CTNNA2: variants seen among roughly 807,000 people sequenced by gnomAD.
CTNNA2 encodes the protein catenin alpha-2.
CTNNA2 carries 42 observed loss-of-function variants against 101.0 expected under a neutral mutation model. The observed-to-expected ratio is 0.42, with a 90% CI of 0.32 to 0.54. The LOEUF is 0.54. Among genes scored for constraint, CTNNA2 ranks in the 20% least tolerant of loss-of-function variants. CTNNA2 has a pLI of 0.14. For missense variants in CTNNA2, 871 were observed against 1,223.1 expected (o/e 0.71, Z 4.29); for synonymous variants, 450 against 456.4 (o/e 0.99, Z 0.18).
rs1430960614 is a variant in CTNNA2 at position 79,982,231 on chromosome 2, TA to T, written c.1056+72435del. On this transcript the variant is annotated intron_variant, in intron 7 of 18. Coordinates refer to ENST00000402739, the MANE Select transcript of CTNNA2 (RefSeq NM_001282597.3). Reference sequence around the variant, plus strand: ...ATATATATATATATATATATATATATATATATATATGTATGTATATGTACAC... The same window carrying T: ...ATATATATATATATATATATATATATTATATATATGTATGTATATGTACAC... Among the ~76,000 whole-genome samples the T allele has an allele frequency of 1.2e-3, 78 of 63,450 alleles. 3 individuals carry two copies. The highest frequency in any genetic ancestry group is 4.2e-3 in the African/African-American group (74 of 17,488). 41.6% of individuals were successfully genotyped at this position (63,450 alleles called of 152,430 possible).
At chr2:80,016,690 T>C (rs1481788135) in intron 7 of CTNNA2, among the ~76,000 whole-genome samples, 1 of 152,218 alleles carries the variant, frequency 6.6e-6, no homozygotes, top group Non-Finnish European at 1.5e-5. Context: ...ACTCCTTTTA[T>C]GTATTTACCA....
intron 2 of CTNNA2, among the ~76,000 whole-genome samples, chr2:79,302,869 C>T (rs947669546): frequency 2.6e-5 from 4 of 152,162 alleles, no homozygotes; most frequent in African/African-American, 4.8e-5. Context: ...ATTTACTTGA[C>T]CAATTTAATT....
At chr2:79,835,684 T>TTTGTTTGTTTGTTTG (rs1679298843) in intron 3 of CTNNA2, among the ~76,000 whole-genome samples, 6 of 132,870 alleles carry the variant, frequency 4.5e-5, no homozygotes, top group African/African-American at 1.4e-4. Context: ...TTTTTTTTTT[T>TTTGTTTGTTTGTTTG]TTTTTTTTTT....
intron 1 of CTNNA2, among the ~76,000 whole-genome samples, chr2:79,518,246 G>A (rs772841515): frequency 8.5e-5 from 13 of 152,200 alleles, no homozygotes; most frequent in Admixed American, 2.0e-4. Context: ...CAGTTTTGGG[G>A]GAAGCCAGGT....
intron 4 of CTNNA2, among the ~76,000 whole-genome samples, chr2:79,448,267 C>A (rs571197184): frequency 2.0e-5 from 3 of 152,058 alleles, no homozygotes; most frequent in African/African-American, 7.2e-5. Context: ...ATCTTGATTT[C>A]TTTTAAAGAC....
At chr2:79,939,662 G>C (rs1181788938) in intron 7 of CTNNA2, among the ~76,000 whole-genome samples, 2 of 151,958 alleles carry the variant, frequency 1.3e-5, no homozygotes, top group Non-Finnish European at 2.9e-5. Flanking sequence ...AAAACTCTTA[G>C]AACTAAAAGT....
chr2:80,401,835 G>C (rs1282201209), intron 8 of CTNNA2, among the ~76,000 whole-genome samples: 2 of 151,228 alleles, frequency 1.3e-5, no homozygotes, highest in Non-Finnish European at 2.9e-5. Context: ...ACTCTCCATA[G>C]CACACATTAC....
chr2:80,271,949 T>G (rs1471652163), intron 7 of CTNNA2, among the ~76,000 whole-genome samples: 1 of 152,184 alleles, frequency 6.6e-6, no homozygotes, highest in East Asian at 1.9e-4. Flanking sequence ...TTTTAGTGAG[T>G]GCTTTCTGCC....
At chr2:79,951,676 AATAAG>A (rs1033529578) in intron 7 of CTNNA2, among the ~76,000 whole-genome samples, 32 of 123,224 alleles carry the variant, frequency 2.6e-4, no homozygotes, top group African/African-American at 8.2e-4. Flanking sequence ...AAAATTAAAA[AATAAG>A]ATAAGTTAAA....
chr2:80,340,892 A>C (rs192488535), intron 7 of CTNNA2, among the ~76,000 whole-genome samples: 37 of 152,254 alleles, frequency 2.4e-4, no homozygotes, highest in Middle Eastern at 3.4e-3. Context: ...GACTGTCTAT[A>C]AATTGGGGGT....
intron 7 of CTNNA2, among the ~76,000 whole-genome samples, chr2:80,130,676 A>G (rs1702363684): frequency 6.6e-6 from 1 of 152,130 alleles, no homozygotes; most frequent in Non-Finnish European, 1.5e-5. Context: ...GAGAATAGAG[A>G]ATACTTTAAC....
intron 7 of CTNNA2, among the ~76,000 whole-genome samples, chr2:80,154,328 G>C (rs1703879665): frequency 6.6e-6 from 1 of 152,120 alleles, no homozygotes; most frequent in Non-Finnish European, 1.5e-5. Flanking sequence ...GGTTTAATTA[G>C]AAGAGATATT....
At chr2:79,518,881 T>C (rs933876969) in intron 1 of CTNNA2, among the ~76,000 whole-genome samples, 1 of 95,712 alleles carries the variant, frequency 1.0e-5, no homozygotes, top group African/African-American at 4.3e-5. Flanking sequence ...ACAAAATATG[T>C]TTTTTTTTTC....
chr2:79,615,624 C>G (rs906270632), intron 1 of CTNNA2, among the ~76,000 whole-genome samples: 1 of 152,072 alleles, frequency 6.6e-6, no homozygotes, highest in Non-Finnish European at 1.5e-5. Flanking sequence ...CAGTTTTGCT[C>G]GTTTGGTATT....
chr2:79,556,122 G>C lies in CTNNA2; in HGVS notation c.-6+42915G>C, dbSNP rs78801623. ...CTCCTCCATATAAATTGAAGATTCT[G>C]CTGACTCATTAATGAAACAAGTTCT... On this transcript the variant is annotated intron_variant, in intron 1 of 18. Transcript: ENST00000402739. Among the ~76,000 whole-genome samples, 1,138 of 152,062 alleles carry C rather than the reference G, an allele frequency of 7.5e-3. 71 individuals are homozygous for C. The East Asian group carries it at 0.12, about 16-fold the overall frequency.
intron 7 of CTNNA2, among the ~76,000 whole-genome samples, chr2:80,008,398 C>G (rs1693528859): frequency 6.6e-6 from 1 of 152,212 alleles, no homozygotes; most frequent in African/African-American, 2.4e-5. Context: ...CTTTGGAAAG[C>G]TAACCTTCTC....
intron 2 of CTNNA2, among the ~76,000 whole-genome samples, chr2:79,308,254 C>T (rs897228063): frequency 6.6e-6 from 1 of 152,072 alleles, no homozygotes; most frequent in African/African-American, 2.4e-5. Context: ...TCATGTTGGC[C>T]AGGCTAGTCT....
chr2:79,233,695 T>A (rs1674523600), intron 2 of CTNNA2, among the ~76,000 whole-genome samples: 1 of 152,126 alleles, frequency 6.6e-6, no homozygotes, highest in East Asian at 1.9e-4. Context: ...TTTTTATAAG[T>A]CAAGAAGACC....
chr2:80,426,921 A>G (rs1444890541), intron 9 of CTNNA2, among the ~76,000 whole-genome samples: 6 of 152,004 alleles, frequency 3.9e-5, no homozygotes, highest in Non-Finnish European at 7.4e-5. Context: ...TCATGGCCCC[A>G]GGTGGGATCA....
Sources: allele counts gnomAD v4.1 joint callset (sites outside exome capture counted in the v4.1 genomes callset), GRCh38; gene constraint gnomAD v4.1.1; transcripts MANE v1.5; gene names NCBI Gene and HGNC (gene_info 2026-07-23, HGNC 2026-07-21).